The following PRKCQ variants were observed in gnomAD, a reference collection of about 807,000 sequenced individuals.
The protein encoded by PRKCQ is protein kinase C theta type.
Under a neutral mutation model 91.2 loss-of-function variants are expected in PRKCQ, and 41 were observed. The ratio of observed to expected loss-of-function variants is 0.45; its 90% CI spans 0.35 to 0.58. PRKCQ has a LOEUF of 0.58. Ranked by LOEUF, PRKCQ falls within the 20% of genes least tolerant of loss-of-function variation. PRKCQ has a pLI of 0.00. For missense variants in PRKCQ, 673 were observed against 896.5 expected (o/e 0.75, Z 3.18); for synonymous variants, 307 against 316.9 (o/e 0.97, Z 0.33).
chr10:6,415,442 AT>A, the PRKCQ span, among the ~76,000 whole-genome samples: 88 of 123,146 alleles, frequency 7.1e-4, no homozygotes, highest in African/African-American at 2.5e-3. Flanking sequence ...ATATATATAT[AT>A]ATATATATAT....
chr10:6,502,217 G>A (rs940306846), intron 4 of PRKCQ, among the ~76,000 whole-genome samples: 16 of 152,220 alleles, frequency 1.1e-4, no homozygotes, highest in Non-Finnish European at 1.5e-5. Context: ...CCACGGAAAT[G>A]AGGAAACTAT....
intron 1 of PRKCQ, among the ~76,000 whole-genome samples, chr10:6,578,974 G>A (rs1250870287): frequency 1.3e-5 from 2 of 152,202 alleles, no homozygotes; most frequent in East Asian, 3.8e-4. Context: ...AGGGCCCAGT[G>A]GGGACCATGG....
chr10:6,494,850 A>C (rs1166622162), intron 7 of PRKCQ, among the ~76,000 whole-genome samples: 1 of 152,180 alleles, frequency 6.6e-6, no homozygotes, highest in Non-Finnish European at 1.5e-5. Flanking sequence ...TTCCAAGCTC[A>C]TGTGAAATTG....
chr10:6,525,145 GTTC>G (rs1200644499), intron 1 of PRKCQ, among the ~76,000 whole-genome samples: 49 of 145,978 alleles, frequency 3.4e-4, no homozygotes, highest in Middle Eastern at 3.4e-3. Context: ...TTTATTTTAA[GTTC>G]TTTTTTTTTT....
intron 15 of PRKCQ, among the ~76,000 whole-genome samples, chr10:6,446,441 C>T (rs952758938): frequency 1.4e-5 from 2 of 144,372 alleles, no homozygotes; most frequent in African/African-American, 2.6e-5. Context: ...TCTCAGCTCA[C>T]TGCAACCTCC....
intron 1 of PRKCQ, among the ~76,000 whole-genome samples, chr10:6,560,135 C>T (rs1300833221): frequency 6.6e-6 from 1 of 152,168 alleles, no homozygotes; most frequent in African/African-American, 2.4e-5. Flanking sequence ...CCAGCTTTCC[C>T]CTTCTCCTTG....
At chr10:6,411,468 A>G in the PRKCQ span, among the ~76,000 whole-genome samples, 2 of 152,312 alleles carry the variant, frequency 1.3e-5, no homozygotes, top group East Asian at 1.9e-4. Flanking sequence ...ACAAATTCCT[A>G]TGGTGGTAAG....
At chr10:6,412,539 G>C in the PRKCQ span, among the ~76,000 whole-genome samples, 3 of 152,134 alleles carry the variant, frequency 2.0e-5, no homozygotes, top group Admixed American at 1.3e-4. Context: ...CTCGATGTTA[G>C]AACAAACAGC....
chr10:6,527,653 T>A (rs887980577), intron 1 of PRKCQ, among the ~76,000 whole-genome samples: 1 of 152,150 alleles, frequency 6.6e-6, no homozygotes, highest in Non-Finnish European at 1.5e-5. Context: ...GCCATTCTTT[T>A]TCCCCAGGAG....
chr10:6,463,139 C>A (rs1329384667), intron 13 of PRKCQ, among the ~76,000 whole-genome samples: 1 of 152,150 alleles, frequency 6.6e-6, no homozygotes, highest in Non-Finnish European at 1.5e-5. Flanking sequence ...GTACTGAGAA[C>A]CTTTAGCCTG....
In PRKCQ at chr10:6,506,122, T is replaced by C. The variant is rs1431466780; in HGVS notation, c.379+1314A>G. On this transcript the variant is annotated intron_variant, in intron 4 of 17. Transcript: ENST00000263125. ...CACTCTATTTCAGCCAACTCAAAAGTTGTACTATGTGTACTGTATATCTAC... is the reference window on the plus strand; with the variant it reads ...CACTCTATTTCAGCCAACTCAAAAGCTGTACTATGTGTACTGTATATCTAC... 4.6e-5 allele frequency among the ~76,000 whole-genome samples: 7 copies of C among 151,724 alleles called. No homozygotes were observed. The South Asian group carries it at 1.0e-3, about 23-fold the overall frequency.
At chr10:6,407,470 A>AGAGT in the PRKCQ span, among the ~76,000 whole-genome samples, 1 of 148,858 alleles carries the variant, frequency 6.7e-6, no homozygotes, top group Non-Finnish European at 1.5e-5. This position sits in a 1 kb window ranked among gnomAD's most constrained non-coding sequence, Gnocchi z 4.0. Flanking sequence ...GTACATGTTC[A>AGAGT]GTGTGTGTGT....
chr10:6,495,686 A>G (rs80275416), intron 7 of PRKCQ, among the ~76,000 whole-genome samples: 1 of 152,342 alleles, frequency 6.6e-6, no homozygotes, highest in Non-Finnish European at 1.5e-5. Context: ...GGTATCTTCC[A>G]TGAATCAGAT....
chr10:6,517,215 A>G (rs541975970), intron 1 of PRKCQ, among the ~76,000 whole-genome samples: 7 of 152,166 alleles, frequency 4.6e-5, no homozygotes, highest in African/African-American at 1.7e-4. Flanking sequence ...TTTTTAGGTG[A>G]TCATGATGAA....
chr10:6,515,121 A>G lies in PRKCQ; in HGVS notation c.15T>C (p.Leu5=). Residue 5 remains leucine (L), a synonymous_variant, in exon 2 of 18, where the codon CTT becomes CTC. Coordinates refer to ENST00000263125, the MANE Select transcript of PRKCQ (RefSeq NM_006257.5). ...AGTCAAAGTTGGACAAGCCAATCCG[A>G]AGAAATGGCGACATGGTTGCGCCCT... MSPF[L]RIGLSNFDCG... 6.2e-7 allele frequency: 1 copy of G among 1,613,822 alleles called. No homozygotes were observed. The highest frequency in any genetic ancestry group is 8.5e-7 in the Non-Finnish European group (1 of 1,179,934).
At chr10:6,567,183 C>T (rs986005458) in intron 1 of PRKCQ, among the ~76,000 whole-genome samples, 1 of 152,172 alleles carries the variant, frequency 6.6e-6, no homozygotes, top group Non-Finnish European at 1.5e-5. Flanking sequence ...ACACAGGAAG[C>T]AGAAAGTCAG....
At chr10:6,452,630 A>G (rs1438697502) in intron 15 of PRKCQ, among the ~76,000 whole-genome samples, 1 of 149,178 alleles carries the variant, frequency 6.7e-6, no homozygotes, top group African/African-American at 2.5e-5. Context: ...TCCTAAGCCA[A>G]AAGAACAAAG....
At chr10:6,401,816 G>A in the PRKCQ span, among the ~76,000 whole-genome samples, 1 of 152,128 alleles carries the variant, frequency 6.6e-6, no homozygotes, top group Non-Finnish European at 1.5e-5. Flanking sequence ...AAATACATAG[G>A]TTACACTCTG....
intron 7 of PRKCQ, among the ~76,000 whole-genome samples, chr10:6,493,212 G>A (rs956512030): frequency 1.3e-5 from 2 of 152,192 alleles, no homozygotes; most frequent in Non-Finnish European, 2.9e-5. Context: ...AAGGTGGTGA[G>A]TTAGAGTTGA....
Sources: allele counts gnomAD v4.1 joint callset (sites outside exome capture counted in the v4.1 genomes callset), GRCh38; gene constraint gnomAD v4.1.1; non-coding constraint Gnocchi (gnomAD v3.1); transcripts MANE v1.5; gene names NCBI Gene and HGNC (gene_info 2026-07-23, HGNC 2026-07-21).